SORCS3: variants seen among roughly 807,000 people sequenced by gnomAD.
SORCS3 encodes the protein sortilin related VPS10 domain containing receptor 3, also known as VPS10 domain-containing receptor SorCS3.
SORCS3 carries 57 observed loss-of-function variants against 146.3 expected under a neutral mutation model. That is an observed-to-expected ratio of 0.39 (90% CI 0.31 to 0.49). SORCS3 has a LOEUF of 0.49. Among genes scored for constraint, SORCS3 ranks in the 20% least tolerant of loss-of-function variants. The pLI is 0.92. For synonymous variants in SORCS3, 653 were observed against 618.5 expected (o/e 1.06, Z -0.83); for missense variants, 1,341 against 1,575.5 (o/e 0.85, Z 2.52).
At chr10:105,242,635 C>G (rs186508229) in intron 20 of SORCS3, among the ~76,000 whole-genome samples, 8,773 of 71,882 alleles carry the variant, frequency 0.12, 572 homozygotes, top group Admixed American at 0.19. Context: ...TATTTATATA[C>G]ATTTATATAT....
At chr10:104,803,393 C>A (rs1230214462) in intron 1 of SORCS3, among the ~76,000 whole-genome samples, 1 of 152,090 alleles carries the variant, frequency 6.6e-6, no homozygotes. Flanking sequence ...CCTTAGGGTT[C>A]CTCAGATTTC....
chr10:104,926,313 G>A (rs1156690637), intron 3 of SORCS3, among the ~76,000 whole-genome samples: 1 of 152,148 alleles, frequency 6.6e-6, no homozygotes, highest in African/African-American at 2.4e-5. Context: ...TCCCACTTTT[G>A]TTAATTCACA....
At chr10:105,173,619 A>G (rs1240069764) in intron 13 of SORCS3, among the ~76,000 whole-genome samples, 6 of 152,178 alleles carry the variant, frequency 3.9e-5, no homozygotes, top group Admixed American at 3.9e-4. Context: ...GGTGTTGACA[A>G]TCCGTTTATC....
At chr10:104,823,071 G>C (rs2017893380) in intron 1 of SORCS3, among the ~76,000 whole-genome samples, 1 of 152,174 alleles carries the variant, frequency 6.6e-6, no homozygotes, top group African/African-American at 2.4e-5. Context: ...GTGAGGCTAG[G>C]AGATAGTAAT....
At chr10:104,798,689 C>T (rs770658626) in intron 1 of SORCS3, among the ~76,000 whole-genome samples, 48 of 152,110 alleles carry the variant, frequency 3.2e-4, no homozygotes, top group Non-Finnish European at 5.9e-4. Flanking sequence ...TACCCAAACA[C>T]ATTGAAAATG....
At chr10:105,057,694 A>G (rs2055454631) in intron 5 of SORCS3, among the ~76,000 whole-genome samples, 1 of 151,972 alleles carries the variant, frequency 6.6e-6, no homozygotes, top group Non-Finnish European at 1.5e-5. Context: ...ATCCACTCTC[A>G]CCCTAGCCTG....
chr10:105,207,502 G>T (rs1028001350), intron 16 of SORCS3, among the ~76,000 whole-genome samples: 1 of 152,024 alleles, frequency 6.6e-6, no homozygotes, highest in Admixed American at 6.6e-5. Context: ...AGACTTCCCC[G>T]AGGCAAATCA....
intron 3 of SORCS3, among the ~76,000 whole-genome samples, chr10:104,934,942 A>C (rs765905715): frequency 1.3e-5 from 2 of 152,212 alleles, no homozygotes; most frequent in African/African-American, 4.8e-5. Flanking sequence ...GTTGAAGGAC[A>C]CTGAGAGAGA....
intron 2 of SORCS3, among the ~76,000 whole-genome samples, chr10:104,886,025 A>T (rs1017620550): frequency 6.6e-6 from 1 of 152,186 alleles, no homozygotes; most frequent in Non-Finnish European, 1.5e-5. Context: ...AGCTGAAAAA[A>T]CTGAGGAACC....
At chr10:105,040,071 T>C (rs563965862) in intron 4 of SORCS3, among the ~76,000 whole-genome samples, 1 of 152,296 alleles carries the variant, frequency 6.6e-6, no homozygotes, top group South Asian at 2.1e-4. Flanking sequence ...CTTTTATATG[T>C]AATTGGAAAA....
chr10:104,669,259 TA>T (rs1430394599), intron 1 of SORCS3, among the ~76,000 whole-genome samples: 1 of 152,236 alleles, frequency 6.6e-6, no homozygotes, highest in Admixed American at 6.5e-5. Flanking sequence ...CATAAAAGTT[TA>T]CCATCTTAAC....
intron 4 of SORCS3, among the ~76,000 whole-genome samples, chr10:105,013,067 A>G (rs547342377): frequency 6.6e-6 from 1 of 152,340 alleles, no homozygotes; most frequent in East Asian, 1.9e-4. Flanking sequence ...GAAAAATCTA[A>G]AAGTGGAATT....
intron 2 of SORCS3, among the ~76,000 whole-genome samples, chr10:104,844,066 G>A (rs2451472): frequency 0.71 from 108,244 of 152,086 alleles, 38,783 homozygotes; most frequent in East Asian, 0.85. Flanking sequence ...GGGAGCAGTC[G>A]CAGTATCTAT....
At chr10:105,102,639 C>G (rs1451314125) in intron 6 of SORCS3, among the ~76,000 whole-genome samples, 1 of 152,034 alleles carries the variant, frequency 6.6e-6, no homozygotes, top group Non-Finnish European at 1.5e-5. Flanking sequence ...ATGCAATTTG[C>G]CTATGCACAT....
At chr10:105,092,883 C>G (rs915513386) in intron 6 of SORCS3, among the ~76,000 whole-genome samples, 1 of 152,142 alleles carries the variant, frequency 6.6e-6, no homozygotes, top group Non-Finnish European at 1.5e-5. Context: ...TGATGAGATA[C>G]TGAATGCTTT....
At chr10:104,766,719 A>T (rs2133480682) in intron 1 of SORCS3, among the ~76,000 whole-genome samples, 1 of 152,336 alleles carries the variant, frequency 6.6e-6, no homozygotes, top group South Asian at 2.1e-4. Flanking sequence ...GAAAAGTGGT[A>T]GATGGAAGGA....
chr10:105,077,954 A>T (rs919640170), intron 5 of SORCS3, among the ~76,000 whole-genome samples: 1 of 152,174 alleles, frequency 6.6e-6, no homozygotes, highest in African/African-American at 2.4e-5. Flanking sequence ...AAATCTTCCA[A>T]AGTGCCCACG....
At chr10:104,777,582 A>G (rs549054000) in intron 1 of SORCS3, among the ~76,000 whole-genome samples, 4 of 152,294 alleles carry the variant, frequency 2.6e-5, no homozygotes, top group Admixed American at 2.0e-4. Context: ...GTCTGAAGAC[A>G]TTTGTCACAA....
intron 2 of SORCS3, among the ~76,000 whole-genome samples, chr10:104,890,065 C>T (rs1438455212): frequency 6.6e-6 from 1 of 152,046 alleles, no homozygotes; most frequent in East Asian, 1.9e-4. Flanking sequence ...TTGTTCCATT[C>T]CATATATCTT....
Sources: allele counts gnomAD v4.1 joint callset (sites outside exome capture counted in the v4.1 genomes callset), GRCh38; gene constraint gnomAD v4.1.1; transcripts MANE v1.5; gene names NCBI Gene and HGNC (gene_info 2026-07-23, HGNC 2026-07-21).